The following AFF3 variants were observed in gnomAD, a reference collection of about 807,000 sequenced individuals.
The protein encoded by AFF3 is AF4/FMR2 family member 3.
AFF3 carries 32 observed loss-of-function variants against 129.7 expected under a neutral mutation model. The observed-to-expected ratio is 0.25, with a 90% CI of 0.19 to 0.33. The LOEUF (loss-of-function observed/expected upper bound fraction) is 0.33, where lower values mean the gene tolerates loss of function less well. Among genes scored for constraint, AFF3 ranks in the 10% least tolerant of loss-of-function variants. The probability of loss-of-function intolerance (pLI) is 1.00; values close to 1 mark genes in which losing one functional copy is unlikely to be tolerated. For synonymous variants in AFF3, 644 were observed against 635.4 expected (o/e 1.01, Z -0.20); for missense variants, 1,373 against 1,592.0 (o/e 0.86, Z 2.34).
chr2:99,639,829 A>G (rs979403213), intron 13 of AFF3, among the ~76,000 whole-genome samples: 3 of 151,792 alleles, frequency 2.0e-5, no homozygotes, highest in Non-Finnish European at 4.4e-5. Context: ...CTGTGATTAC[A>G]AGGGTGTGCC....
intron 7 of AFF3, among the ~76,000 whole-genome samples, chr2:99,842,595 C>G (rs1689397742): frequency 6.6e-6 from 1 of 152,190 alleles, no homozygotes; most frequent in Non-Finnish European, 1.5e-5. Context: ...TCCAACTAAA[C>G]TTCAATTAAG....
chr2:100,025,468 T>C lies in AFF3; in HGVS notation c.54-16536A>G, dbSNP rs531663060. 4.9e-4 allele frequency among the ~76,000 whole-genome samples: 74 copies of C among 152,190 alleles called. 1 individual carries two copies. Among genetic ancestry groups the C allele is most frequent in the African/African-American group, 1.7e-3 (71 of 41,512 alleles). On this transcript the variant is annotated intron_variant, in intron 4 of 24. Transcript: ENST00000672756. ...AGCATCAATATTGTTAAAATGACCA[T>C]ACTGCCAAAAGCAATTTACAAATTC...
At chr2:99,926,330 G>A (rs372737801) in intron 7 of AFF3, among the ~76,000 whole-genome samples, 5 of 152,150 alleles carry the variant, frequency 3.3e-5, no homozygotes, top group Admixed American at 1.3e-4. Flanking sequence ...ATGCACACCC[G>A]AGTACACTGG....
chr2:100,053,999 T>C (rs1686564891), intron 4 of AFF3, among the ~76,000 whole-genome samples: 1 of 152,196 alleles, frequency 6.6e-6, no homozygotes, highest in Non-Finnish European at 1.5e-5. Context: ...TTCTCCATCC[T>C]GGTTAAGGCC....
intron 10 of AFF3, among the ~76,000 whole-genome samples, chr2:99,733,582 A>G (rs1468010501): frequency 6.6e-6 from 1 of 152,172 alleles, no homozygotes; most frequent in African/African-American, 2.4e-5. Flanking sequence ...TTCTAAAAGT[A>G]TATACTTTTA....
chr2:99,778,625 C>T (rs778897968), intron 8 of AFF3, among the ~76,000 whole-genome samples: 8 of 152,162 alleles, frequency 5.3e-5, no homozygotes, highest in Non-Finnish European at 7.3e-5. Context: ...GAGCACAGAA[C>T]ATTTTTCTAC....
At chr2:99,570,687 G>C (rs1483509410) in intron 18 of AFF3, among the ~76,000 whole-genome samples, 1 of 152,170 alleles carries the variant, frequency 6.6e-6, no homozygotes, top group East Asian at 1.9e-4. Flanking sequence ...TAAAATCTCA[G>C]TTCAGATCCC....
At chr2:99,858,481 G>A (rs1203637570) in intron 7 of AFF3, among the ~76,000 whole-genome samples, 1 of 151,904 alleles carries the variant, frequency 6.6e-6, no homozygotes, top group Non-Finnish European at 1.5e-5. Flanking sequence ...AGCCCAGGAG[G>A]TCGAGGCTGC....
intron 7 of AFF3, among the ~76,000 whole-genome samples, chr2:100,005,781 C>T (rs1681917443): frequency 6.6e-6 from 1 of 152,162 alleles, no homozygotes; most frequent in Non-Finnish European, 1.5e-5. Context: ...TGTTTAAGCT[C>T]AGCCTTGTCA....
chr2:100,007,074 A>G, intron 6 of AFF3, 57 bp from the exon 7 acceptor site: 3 of 1,587,168 alleles, frequency 1.9e-6, no homozygotes, highest in Non-Finnish European at 1.7e-6. Context: ...ACACATAGGG[A>G]TTTTCTTTTT....
chr2:100,092,998 C>A (rs1361062076), intron 4 of AFF3, among the ~76,000 whole-genome samples: 1 of 152,008 alleles, frequency 6.6e-6, no homozygotes, highest in African/African-American at 2.4e-5. Context: ...TCATCTCAAC[C>A]CAGACACCTA....
At chr2:100,060,459 C>A (rs191875577) in intron 4 of AFF3, among the ~76,000 whole-genome samples, 64 of 152,276 alleles carry the variant, frequency 4.2e-4, no homozygotes, top group African/African-American at 1.3e-3. Flanking sequence ...CTTAACCGGG[C>A]TACCTTTTCC....
chr2:99,619,304 G>A lies in AFF3; in HGVS notation c.1185-17683C>T, dbSNP rs975418561. 2.0e-5 allele frequency among the ~76,000 whole-genome samples: 3 copies of A among 152,222 alleles called. No individual in the cohort carries two copies. In the East Asian group the frequency reaches 5.8e-4, roughly 29 times the overall value. On this transcript the variant is annotated intron_variant, in intron 13 of 24. Transcript: ENST00000672756. ...AAGGAATACAAGACTTAAGGATGAT[G>A]AGCGAAAAAGATTTTTATGGAAACC...
intron 8 of AFF3, among the ~76,000 whole-genome samples, chr2:99,814,712 A>G (rs58310581): frequency 0.11 from 16,248 of 152,174 alleles, 1,022 homozygotes; most frequent in Admixed American, 0.2. Context: ...GGAGAAATAC[A>G]AGGCAGTGGA....
At chr2:99,743,501 C>A (rs1371467005) in intron 10 of AFF3, among the ~76,000 whole-genome samples, 1 of 152,146 alleles carries the variant, frequency 6.6e-6, no homozygotes, top group Non-Finnish European at 1.5e-5. Flanking sequence ...AATGCTCAAG[C>A]CAACGTTAAT....
At chr2:99,597,278 C>T (rs1256003670) in intron 14 of AFF3, among the ~76,000 whole-genome samples, 1 of 152,230 alleles carries the variant, frequency 6.6e-6, no homozygotes, top group East Asian at 1.9e-4. Flanking sequence ...CAGTCTTCAA[C>T]TTAAAATGAC....
At chr2:100,077,609 A>G (rs1688683014) in intron 4 of AFF3, among the ~76,000 whole-genome samples, 1 of 152,232 alleles carries the variant, frequency 6.6e-6, no homozygotes, top group African/African-American at 2.4e-5. Context: ...TATAGCAGCA[A>G]TGGGAAACTA....
chr2:99,647,175 A>G (rs1019160972), intron 13 of AFF3, among the ~76,000 whole-genome samples: 1 of 152,226 alleles, frequency 6.6e-6, no homozygotes, highest in Non-Finnish European at 1.5e-5. Context: ...AATATAAATC[A>G]TTCTATTATA....
chr2:100,036,923 C>A (rs1342326399), intron 4 of AFF3, among the ~76,000 whole-genome samples: 1 of 151,912 alleles, frequency 6.6e-6, no homozygotes, highest in African/African-American at 2.4e-5. Context: ...AAAAGTGTAA[C>A]CCTCAATAAC....
Sources: gnomAD v4.1 joint callset for allele counts (sites outside exome capture counted in the v4.1 genomes callset) on GRCh38, gnomAD v4.1.1 for gene constraint, MANE v1.5 for transcripts, NCBI Gene and HGNC (gene_info 2026-07-23, HGNC 2026-07-21) for gene names.